Variants in RAC3 observed in about 807,000 individuals in gnomAD.
RAC3 encodes the protein Rac family small GTPase 3.
RAC3 carries 9 observed loss-of-function variants against 19.0 expected under a neutral mutation model. That is an observed-to-expected ratio of 0.47 (90% CI 0.29 to 0.83). The LOEUF (loss-of-function observed/expected upper bound fraction) is 0.83. Ranked by LOEUF, RAC3 falls within the 40% of genes least tolerant of loss-of-function variation. The pLI is 0.09. For synonymous variants in RAC3, 146 were observed against 111.8 expected (o/e 1.31, Z -1.93); for missense variants, 203 against 260.8 (o/e 0.78, Z 1.53).
chr17:82,032,748 A>T lies in RAC3; in HGVS notation c.145A>T (p.Lys49Ter). 1 of 1,613,128 alleles carries T rather than the reference A, an allele frequency of 6.2e-7. No homozygotes were observed. The highest frequency in any genetic ancestry group is 8.5e-7 in the Non-Finnish European group (1 of 1,180,000). Residue 49 changes from lysine to a stop codon, truncating the protein, a stop_gained, in exon 3 of 6, where the codon AAA becomes TAA. Coordinates refer to ENST00000306897, the MANE Select transcript of RAC3 (RefSeq NM_005052.3). LOFTEE classifies it high-confidence loss of function. ...CTCTGCCAACGTGATGGTGGACGGG[A>T]AACCAGTCAACTTGGGGCTGTGGGA... ...NYSANVMVDG[K>*]PVNLGLWDTA...
Position 82,033,022 on chromosome 17 carries a change from TG to T in RAC3, c.288+18del. The T allele has an allele frequency of 6.2e-7, 1 of 1,611,168 alleles. No homozygotes were observed. The highest frequency in any genetic ancestry group is 8.5e-7 in the Non-Finnish European group (1 of 1,178,330). ...TGTTCGTGCCAAGGTAGGGCAAGGC[TG>T]GGGGCCCCTGTGGGGAGAGGGCTTG... On this transcript the variant is annotated intron_variant, in intron 4 of 5. Transcript: ENST00000306897. This position sits in a 1 kb window ranked among gnomAD's most constrained non-coding sequence, Gnocchi z 6.2.
rs567043469 is a variant in RAC3, at chr17:82,033,945, G to A, written c.*116G>A. 20 of 1,316,840 alleles carry A rather than the reference G, an allele frequency of 1.5e-5. No individual in the cohort carries two copies. The East Asian group carries it at 1.6e-4, about 10-fold the overall frequency. 81.6% of individuals were successfully genotyped at this position (1,316,840 alleles called of 1,614,324 possible). ...CTGTGGGGAGCGGTGGGGGTGGGCC[G>A]GGGGGAAGCATGGGGATGAGGCTGG... On this transcript the variant is annotated 3_prime_UTR_variant, in exon 6 of 6. Coordinates refer to ENST00000306897, the MANE Select transcript of RAC3 (RefSeq NM_005052.3). The surrounding 1 kb of genome is among the most constrained non-coding windows in gnomAD (Gnocchi z 6.2).
In RAC3 at chr17:82,033,580, G is replaced by A. The variant is rs372085211; in HGVS notation, c.429G>A (p.Leu143=). ...CACCCATCACCTACCCACAGGGCCT[G>A]GCCATGGCCCGGGAGATTGGTGGGT... is the stretch of plus-strand genomic sequence containing the variant. The part of the protein sequence containing the change: ...KLAPITYPQG[L]AMAREIGSVK... The change falls in exon 5 of 6, where the codon CTG becomes CTA. Residue 143 remains leucine, a synonymous_variant. Coordinates refer to ENST00000306897, the MANE Select transcript of RAC3 (RefSeq NM_005052.3). This position sits in a 1 kb window ranked among gnomAD's most constrained non-coding sequence, Gnocchi z 6.2. 6.2e-7 allele frequency: 1 copy of A among 1,611,716 alleles called. No individual in the cohort carries two copies. The highest frequency in any genetic ancestry group is 1.3e-5 in the African/African-American group (1 of 74,890).
rs1322924150 is a variant in RAC3, at chr17:82,032,806, G to A, written c.203G>A (p.Arg68Gln). Reference sequence around the variant, plus strand: ...GGTCAGGAGGACTACGATCGGCTGCGGCCACTCTCCTACCCCCAAACTGTA... The same window carrying A: ...GGTCAGGAGGACTACGATCGGCTGCAGCCACTCTCCTACCCCCAAACTGTA... ...TAGQEDYDRL[R>Q]PLSYPQTDVF... is the part of the protein sequence containing the mutation. Residue 68 changes from arginine (R) to glutamine (Q), a missense_variant, in exon 3 of 6, where the codon CGG (arginine) becomes CAG (glutamine). This residue lies in a region of RAC3 where 12 missense variants were observed against 35.2 expected (regional missense o/e 0.34). Transcript: ENST00000306897. 1 of 1,613,038 alleles carries A rather than the reference G, an allele frequency of 6.2e-7. No individual in the cohort carries two copies. The highest frequency in any genetic ancestry group is 8.5e-7 in the Non-Finnish European group (1 of 1,179,996).
At chr17:82,032,569 C>G in intron 2 of RAC3, 111 bp downstream of exon 2, 3 of 1,457,394 alleles carry the variant, frequency 2.1e-6, no homozygotes, top group Non-Finnish European at 2.9e-6. Context: ...GTGGCCCTGT[C>G]TCTGGGCTTC....
chr17:82,033,025 G>A lies in RAC3; in HGVS notation c.288+16G>A. On this transcript the variant is annotated intron_variant, in intron 4 of 5. Transcript: ENST00000306897. The surrounding 1 kb of genome is among the most constrained non-coding windows in gnomAD (Gnocchi z 6.2). ...TCGTGCCAAGGTAGGGCAAGGCTGG[G>A]GGCCCCTGTGGGGAGAGGGCTTGCC... is the stretch of plus-strand genomic sequence containing the variant. The A allele has an allele frequency of 6.2e-7, 1 of 1,608,856 alleles. No homozygotes were observed. Among genetic ancestry groups the A allele is most frequent in the Non-Finnish European group, 8.5e-7 (1 of 1,176,324 alleles).
chr17:82,031,822 TGGCTG>T, intron 1 of RAC3, 26 bp downstream of exon 1: 4 of 251,168 alleles, frequency 1.6e-5, no homozygotes, highest in Non-Finnish European at 2.4e-5. Context: ...GGAGGCCGCT[TGGCTG>T]GGCTGGGCGG....
rs2043442026 is a variant in RAC3 at position 82,032,622 on chromosome 17, A to G, written c.108-89A>G. 3.4e-6 allele frequency: 5 copies of G among 1,462,864 alleles called. No homozygotes were observed. The East Asian group carries it at 9.1e-5, about 27-fold the overall frequency. 90.6% of individuals were successfully genotyped at this position (1,462,864 alleles called of 1,614,324 possible). A position where few individuals can be genotyped will look rare whatever the true frequency, so the allele number is the denominator to read the frequency against. The stretch of plus-strand genomic sequence containing the variant: ...GCTGGCCAGAGTTCTAGTTCTGTGC[A>G]GACTTGTGAACCCCAAGACACAGGC... On this transcript the variant is annotated intron_variant, in intron 2 of 5. Coordinates refer to ENST00000306897, the MANE Select transcript of RAC3 (RefSeq NM_005052.3).
intron 1 of RAC3, 149 bp from the exon 2 acceptor site, chr17:82,032,238 C>T: frequency 7.1e-6 from 5 of 703,340 alleles, no homozygotes; most frequent in Non-Finnish European, 1.2e-5. Context: ...GTCCTCCAGC[C>T]TTAGGTCGCC....
chr17:82,033,111 G>T lies in RAC3; in HGVS notation c.288+102G>T. On this transcript the variant is annotated intron_variant, in intron 4 of 5. Transcript: ENST00000306897. This position sits in a 1 kb window ranked among gnomAD's most constrained non-coding sequence, Gnocchi z 6.2. ...AATTGCGATACGGGTTCTGCCTGGG[G>T]TAGGCACACGGAGTGGGGTCTGAAG... is the stretch of plus-strand genomic sequence containing the variant. 1.5e-6 allele frequency: 2 copies of T among 1,305,762 alleles called. No homozygotes were observed. The highest frequency in any genetic ancestry group is 1.2e-5 in the South Asian group (1 of 83,430). The allele number at this position is 1,305,762 out of a possible 1,614,324, so 80.9% of individuals were successfully genotyped here.
Position 82,033,031 on chromosome 17 carries a change from C to T in RAC3, c.288+22C>T. 1.9e-6 allele frequency: 3 copies of T among 1,606,464 alleles called. No homozygotes were observed. Among genetic ancestry groups the T allele is most frequent in the Non-Finnish European group, 2.6e-6 (3 of 1,174,312 alleles). On this transcript the variant is annotated intron_variant, in intron 4 of 5. Coordinates refer to ENST00000306897, the MANE Select transcript of RAC3 (RefSeq NM_005052.3). This position sits in a 1 kb window ranked among gnomAD's most constrained non-coding sequence, Gnocchi z 6.2. ...CAAGGTAGGGCAAGGCTGGGGGCCC[C>T]TGTGGGGAGAGGGCTTGCCCCAGTA...
At position 82,032,718 on chromosome 17, in the gene RAC3, A is replaced by C; in HGVS notation, c.115A>C (p.Asn39His). 1 of 1,612,968 alleles carries C rather than the reference A, an allele frequency of 6.2e-7. No individual in the cohort carries two copies. The highest frequency in any genetic ancestry group is 8.5e-7 in the Non-Finnish European group (1 of 1,179,934). ...PGEYIPTVFD[N>H]YSANVMVDGK... is the part of the protein sequence containing the mutation. The stretch of plus-strand genomic sequence containing the variant: ...GCCCTCACTGCTCTGCAGTTTTGAC[A>C]ACTACTCTGCCAACGTGATGGTGGA... Residue 39 changes from asparagine to histidine, a missense_variant, in exon 3 of 6, where the codon AAC becomes CAC. Transcript: ENST00000306897.
In RAC3 at chr17:82,034,032, C is replaced by T. The variant is rs946238153; in HGVS notation, c.*203C>T. On this transcript the variant is annotated 3_prime_UTR_variant, in exon 6 of 6. Coordinates refer to ENST00000306897, the MANE Select transcript of RAC3 (RefSeq NM_005052.3). ...GGGTGTGGCTCCAGCCTTCCCTGGC[C>T]CCCGCCGGAGGCCGGGAGGGAGCAG... The T allele has an allele frequency of 1.6e-6, 1 of 631,336 alleles. No individual in the cohort carries two copies. The highest frequency in any genetic ancestry group is 2.5e-6 in the Non-Finnish European group (1 of 403,746). The allele number at this position is 631,336 out of a possible 1,614,324, so 39.1% of individuals were successfully genotyped here. A position where few individuals can be genotyped will look rare whatever the true frequency, so the allele number is the denominator to read the frequency against.
At chr17:82,032,203 C>T (rs1235069198) in intron 1 of RAC3, 184 bp from the exon 2 acceptor site, 4 of 613,354 alleles carry the variant, frequency 6.5e-6, no homozygotes, top group African/African-American at 3.7e-5. Flanking sequence ...CCACCCCAGC[C>T]CCCGGAGCCC....
Position 82,033,326 on chromosome 17 carries a change from A to T in RAC3, c.289-114A>T, listed in dbSNP as rs1357504186. 1.6e-6 allele frequency: 2 copies of T among 1,258,454 alleles called. No homozygotes were observed. The highest frequency in any genetic ancestry group is 2.1e-6 in the Non-Finnish European group (2 of 934,140). 78.0% of individuals were successfully genotyped at this position (1,258,454 alleles called of 1,614,324 possible). ...CCCCTGGTCACCCCTTGAAGGAAGAAGAGCCAAGTGTAGCTCTGGAACAGT... is the reference window on the plus strand; with the variant it reads ...CCCCTGGTCACCCCTTGAAGGAAGATGAGCCAAGTGTAGCTCTGGAACAGT... On this transcript the variant is annotated intron_variant, in intron 4 of 5. Transcript: ENST00000306897. The surrounding 1 kb of genome is among the most constrained non-coding windows in gnomAD (Gnocchi z 6.2).
chr17:82,033,663 C>T lies in RAC3; in HGVS notation c.449-36C>T. On this transcript the variant is annotated intron_variant, in intron 5 of 5. Coordinates refer to ENST00000306897, the MANE Select transcript of RAC3 (RefSeq NM_005052.3). This position sits in a 1 kb window ranked among gnomAD's most constrained non-coding sequence, Gnocchi z 6.2. The stretch of plus-strand genomic sequence containing the variant: ...AGGCGCAGTAAGGGCCTCCCTGTAC[C>T]CCACCCTCACTGTCTCCCCTCCTCA... 1 of 1,605,976 alleles carries T rather than the reference C, an allele frequency of 6.2e-7. No individual in the cohort carries two copies. Among genetic ancestry groups the T allele is most frequent in the Non-Finnish European group, 8.5e-7 (1 of 1,174,676 alleles).
At position 82,033,452 on chromosome 17, in the gene RAC3, G is replaced by T. The variant is rs770236162; in HGVS notation, c.301G>T (p.Val101Leu). Residue 101 changes from valine (V) to leucine (L), a missense_variant, in exon 5 of 6, where the codon GTG becomes TTG. Physicochemically the swap from Val to Leu is conservative, Grantham distance 32 (BLOSUM62 1). This residue lies in a region of RAC3 where 142 missense variants were observed against 158.2 expected (regional missense o/e 0.90). Coordinates refer to ENST00000306897, the MANE Select transcript of RAC3 (RefSeq NM_005052.3). The surrounding 1 kb of genome is among the most constrained non-coding windows in gnomAD (Gnocchi z 6.2). ...TCTGTCCCTGCAGTGGTACCCGGAGGTGCGGCACCACTGCCCCCACACGCC... is the reference window on the plus strand; with the variant it reads ...TCTGTCCCTGCAGTGGTACCCGGAGTTGCGGCACCACTGCCCCCACACGCC... ...ENVRAKWYPEVRHHCPHTPIL... is the reference protein window; with the variant it reads ...ENVRAKWYPELRHHCPHTPIL... The T allele has an allele frequency of 1.2e-6, 2 of 1,606,556 alleles. No individual in the cohort carries two copies. Among genetic ancestry groups the T allele is most frequent in the Non-Finnish European group, 1.7e-6 (2 of 1,176,604 alleles).
At chr17:82,031,881 G>C in intron 1 of RAC3, 85 bp downstream of exon 1, 1 of 755,344 alleles carries the variant, frequency 1.3e-6, no homozygotes, top group Non-Finnish European at 1.6e-6. Flanking sequence ...GCGGGGCGGG[G>C]GTGGCGCCCG....
intron 1 of RAC3, chr17:82,032,133 C>T: frequency 1.9e-6 from 1 of 537,778 alleles, no homozygotes; most frequent in Non-Finnish European, 3.3e-6. Flanking sequence ...CCTGCCGCCA[C>T]CCTCGGAGTC....
Sources: allele counts gnomAD v4.1 joint callset, GRCh38; gene constraint gnomAD v4.1.1; regional missense constraint gnomAD v4.1.1; non-coding constraint Gnocchi (gnomAD v3.1); transcripts MANE v1.5; gene names NCBI Gene and HGNC (gene_info 2026-07-23, HGNC 2026-07-21).